The following GALNTL6 variants were observed in gnomAD, a reference collection of about 807,000 sequenced individuals.
GALNTL6 encodes polypeptide N-acetylgalactosaminyltransferase-like 6.
A neutral mutation model predicts 73.7 loss-of-function variants in GALNTL6; 46 were observed. The observed-to-expected ratio is 0.62, with a 90% CI of 0.49 to 0.80. The LOEUF is 0.80. Among genes scored for constraint, GALNTL6 ranks in the 30% least tolerant of loss-of-function variants. The pLI is 0.00. For synonymous variants in GALNTL6, 259 were observed against 263.7 expected, an observed-to-expected ratio of 0.98 and a Z score of 0.17; for missense variants, 604 against 755.0, an observed-to-expected ratio of 0.80 and a Z score of 2.34.
At chr4:172,212,701 C>T (rs546194837) in intron 2 of GALNTL6, among the ~76,000 whole-genome samples, 1 of 151,962 alleles carries the variant, frequency 6.6e-6, no homozygotes, top group African/African-American at 2.4e-5. Flanking sequence ...GAGTTTCGCT[C>T]TTGTTGCCCA....
intron 5 of GALNTL6, among the ~76,000 whole-genome samples, chr4:172,532,157 A>G (rs1052936034): frequency 6.6e-6 from 1 of 152,198 alleles, no homozygotes; most frequent in African/African-American, 2.4e-5. Flanking sequence ...CCAAACACCC[A>G]GTACTCGTGA....
At chr4:171,935,571 G>A (rs1228328901) in intron 2 of GALNTL6, among the ~76,000 whole-genome samples, 1 of 152,122 alleles carries the variant, frequency 6.6e-6, no homozygotes, top group African/African-American at 2.4e-5. Flanking sequence ...TCCGGCTCAA[G>A]CAATCCTCTT....
intron 5 of GALNTL6, among the ~76,000 whole-genome samples, chr4:172,626,401 T>C (rs2111083606): frequency 6.6e-6 from 1 of 152,254 alleles, no homozygotes; most frequent in East Asian, 1.9e-4. Context: ...CATGCTGTTT[T>C]GGTTACTGTA....
At chr4:172,351,113 G>T (rs984090605) in intron 5 of GALNTL6, among the ~76,000 whole-genome samples, 10 of 151,974 alleles carry the variant, frequency 6.6e-5, no homozygotes, top group Non-Finnish European at 1.2e-4. Flanking sequence ...TACTACTATA[G>T]TATAAATGTC....
At chr4:172,983,193 G>T (rs1278433299) in intron 10 of GALNTL6, among the ~76,000 whole-genome samples, 1 of 152,106 alleles carries the variant, frequency 6.6e-6, no homozygotes, top group Non-Finnish European at 1.5e-5. Flanking sequence ...GATTGCATAA[G>T]CCACCACAAG....
intron 5 of GALNTL6, among the ~76,000 whole-genome samples, chr4:172,806,477 T>TA (rs1277824044): frequency 1.3e-5 from 2 of 152,170 alleles, no homozygotes; most frequent in African/African-American, 2.4e-5. Context: ...AAAGTCTAAA[T>TA]CCAAAGTTGG....
chr4:171,972,346 T>G (rs1352501354), intron 2 of GALNTL6, among the ~76,000 whole-genome samples: 2 of 152,302 alleles, frequency 1.3e-5, no homozygotes, highest in East Asian at 1.9e-4. Flanking sequence ...ATTTCAATAT[T>G]AAATGATACT....
intron 5 of GALNTL6, among the ~76,000 whole-genome samples, chr4:172,776,930 G>T (rs1054126000): frequency 6.6e-6 from 1 of 152,072 alleles, no homozygotes; most frequent in African/African-American, 2.4e-5. Context: ...TTCTACTATA[G>T]TGGATTGGGA....
chr4:172,055,304 T>A (rs992594414), intron 2 of GALNTL6, among the ~76,000 whole-genome samples: 4 of 152,104 alleles, frequency 2.6e-5, no homozygotes, highest in Admixed American at 2.0e-4. Flanking sequence ...AGAGTGGGCA[T>A]TTGGTTGTAT....
chr4:172,279,414 A>AT (rs34748665), intron 3 of GALNTL6, among the ~76,000 whole-genome samples: 18,637 of 152,106 alleles, frequency 0.12, 1,242 homozygotes, highest in East Asian at 0.3. Context: ...TTCAATAGAC[A>AT]TTTTTTCCAA....
At chr4:172,195,919 G>A (rs1037168653) in intron 2 of GALNTL6, among the ~76,000 whole-genome samples, 2 of 149,380 alleles carry the variant, frequency 1.3e-5, no homozygotes, top group African/African-American at 4.9e-5. Flanking sequence ...ACTAGCAGAA[G>A]ACAAGAAATA....
chr4:172,816,249 T>A (rs535101011), intron 7 of GALNTL6, among the ~76,000 whole-genome samples: 2 of 152,336 alleles, frequency 1.3e-5, no homozygotes, highest in South Asian at 4.1e-4. Context: ...TTTCATACAA[T>A]AAGGATGCAA....
Position 172,563,118 on chromosome 4 carries a change from A to C in GALNTL6, c.553+214429A>C, listed in dbSNP as rs1432701223. ...GTGTTTTAATAAAAAGTGTAATTAG[A>C]GTATACATTCCACTCTGCTTTCTCT... On this transcript the variant is annotated intron_variant, in intron 5 of 12. Transcript: ENST00000506823. 2.0e-5 allele frequency among the ~76,000 whole-genome samples: 3 copies of C among 152,196 alleles called. No individual in the cohort carries two copies. In the East Asian group the frequency reaches 5.8e-4, roughly 29 times the overall value.
At chr4:171,820,468 T>A (rs1021188110) in intron 2 of GALNTL6, among the ~76,000 whole-genome samples, 1 of 152,228 alleles carries the variant, frequency 6.6e-6, no homozygotes, top group African/African-American at 2.4e-5. Flanking sequence ...CATATACCCA[T>A]ATCCGTAGTT....
chr4:172,233,445 C>T (rs186102878), intron 3 of GALNTL6, among the ~76,000 whole-genome samples: 97 of 152,176 alleles, frequency 6.4e-4, no homozygotes, highest in African/African-American at 2.3e-3. Flanking sequence ...TTCATTTTTA[C>T]ATAATGTGAG....
intron 2 of GALNTL6, among the ~76,000 whole-genome samples, chr4:172,072,670 C>T (rs190237537): frequency 6.6e-6 from 1 of 152,214 alleles, no homozygotes; most frequent in Admixed American, 6.5e-5. Context: ...ACTTAGGGTC[C>T]TTGATTCTTC....
intron 5 of GALNTL6, among the ~76,000 whole-genome samples, chr4:172,603,343 G>A (rs1022232376): frequency 6.6e-6 from 1 of 152,106 alleles, no homozygotes; most frequent in African/African-American, 2.4e-5. Context: ...TTTTTGTATG[G>A]CAAGCCAGCT....
intron 5 of GALNTL6, among the ~76,000 whole-genome samples, chr4:172,666,045 G>A (rs1227089084): frequency 6.6e-6 from 1 of 151,828 alleles, no homozygotes; most frequent in African/African-American, 2.4e-5. Context: ...TTCACATTAT[G>A]ATTCTTCAAT....
rs575799492 is a variant in GALNTL6 at position 171,970,147 on chromosome 4, G to A, written c.138+155429G>A. Among the ~76,000 whole-genome samples, 11 of 152,160 alleles carry A rather than the reference G, an allele frequency of 7.2e-5. No individual in the cohort carries two copies. In the South Asian group the frequency reaches 1.2e-3, roughly 17 times the overall value. On this transcript the variant is annotated intron_variant, in intron 2 of 12. Transcript: ENST00000506823. ...GTATAAATTGAAGAGAGGATTTTTG[G>A]TTTACCTAAAATATTTCCTCTCCAC...
Sources: allele counts gnomAD v4.1 joint callset (sites outside exome capture counted in the v4.1 genomes callset), GRCh38; gene constraint gnomAD v4.1.1; transcripts MANE v1.5; gene names NCBI Gene and HGNC (gene_info 2026-07-23, HGNC 2026-07-21).